SCFD2: variants seen among roughly 807,000 people sequenced by gnomAD.
SCFD2 encodes sec1 family domain containing 2, also known as sec1 family domain-containing protein 2.
SCFD2 carries 54 observed loss-of-function variants against 58.9 expected under a neutral mutation model. The ratio of observed to expected loss-of-function variants is 0.92; its 90% CI spans 0.74 to 1.15. SCFD2 has a LOEUF of 1.15. SCFD2 is among the 50% of genes most tolerant of loss of function. The probability of loss-of-function intolerance (pLI) is 0.00; values close to 1 mark genes in which losing one functional copy is unlikely to be tolerated. For synonymous variants in SCFD2, 321 were observed against 335.9 expected, an observed-to-expected ratio of 0.96 and a Z score of 0.49; for missense variants, 805 against 836.6, an observed-to-expected ratio of 0.96 and a Z score of 0.47.
intron 5 of SCFD2, among the ~76,000 whole-genome samples, chr4:53,065,230 C>A (rs1365676057): frequency 1.3e-5 from 2 of 151,942 alleles, no homozygotes; most frequent in Non-Finnish European, 2.9e-5. Flanking sequence ...TGGCAGTTAG[C>A]ACAATAAATT....
intron 4 of SCFD2, among the ~76,000 whole-genome samples, chr4:53,178,705 T>A (rs990889755): frequency 6.6e-6 from 1 of 152,134 alleles, no homozygotes; most frequent in African/African-American, 2.4e-5. Flanking sequence ...TACTCCGAGC[T>A]ACAGGAGGAA....
chr4:53,218,155 C>T (rs1163930365), intron 4 of SCFD2, among the ~76,000 whole-genome samples: 4 of 152,090 alleles, frequency 2.6e-5, no homozygotes, highest in African/African-American at 9.7e-5. Context: ...ATCTTTGTGT[C>T]ATTCTCTGTA....
chr4:53,273,865 C>T lies in SCFD2; in HGVS notation c.1272G>A (p.Lys424=), dbSNP rs1321508599. ...AQTLKHPQTA[K]WDNFLAFERL... ...TTTCAAAAGCCAGAAAGTTGTCCCA[C>T]TTGGCAGTCTGTGGGTGTTTCAACG... Residue 424 remains lysine (K), a synonymous_variant, in exon 4 of 9, where the codon AAG becomes AAA. Transcript: ENST00000401642. The T allele has an allele frequency of 6.2e-7, 1 of 1,613,648 alleles. No individual in the cohort carries two copies. Among genetic ancestry groups the T allele is most frequent in the Non-Finnish European group, 8.5e-7 (1 of 1,179,780 alleles).
intron 5 of SCFD2, among the ~76,000 whole-genome samples, chr4:53,026,530 A>G (rs1010796703): frequency 5.9e-5 from 9 of 152,252 alleles, no homozygotes; most frequent in African/African-American, 1.9e-4. Flanking sequence ...TAAATGGGAA[A>G]CAAGGATATC....
chr4:53,108,396 C>A (rs1001208651), intron 5 of SCFD2, among the ~76,000 whole-genome samples: 1 of 151,264 alleles, frequency 6.6e-6, no homozygotes, highest in East Asian at 1.9e-4. Flanking sequence ...TATAGAGACA[C>A]GAAAAACCCT....
rs558750529 is a variant in SCFD2, at chr4:53,329,036, C to T, written c.1008-15273G>A. Among the ~76,000 whole-genome samples the T allele has an allele frequency of 7.2e-5, 11 of 152,288 alleles. No individual in the cohort carries two copies. The South Asian group carries it at 2.3e-3, about 32-fold the overall frequency. On this transcript the variant is annotated intron_variant, in intron 2 of 8. Transcript: ENST00000401642. ...CCACCCGAATATTGTGCTTTTCGGA[C>T]CGGGTTAAAAAACGGCACACCACGA... is the stretch of plus-strand genomic sequence containing the variant.
At chr4:52,931,807 T>A (rs1482164893) in intron 5 of SCFD2, among the ~76,000 whole-genome samples, 2 of 152,138 alleles carry the variant, frequency 1.3e-5, no homozygotes, top group Non-Finnish European at 2.9e-5. Flanking sequence ...TGGAGGCTGA[T>A]CCCTCCTGCC....
At chr4:52,903,588 G>A (rs576195054) in intron 7 of SCFD2, among the ~76,000 whole-genome samples, 4 of 152,264 alleles carry the variant, frequency 2.6e-5, no homozygotes, top group Admixed American at 2.6e-4. Context: ...GCCTATACAG[G>A]TGCCGACCGC....
At chr4:53,319,774 C>T (rs1473275313) in intron 2 of SCFD2, among the ~76,000 whole-genome samples, 7 of 152,164 alleles carry the variant, frequency 4.6e-5, no homozygotes, top group Non-Finnish European at 7.4e-5. Flanking sequence ...TCAGGTGATC[C>T]ACCCAACTTG....
chr4:52,959,726 G>C (rs1385658641), intron 5 of SCFD2, among the ~76,000 whole-genome samples: 1 of 152,140 alleles, frequency 6.6e-6, no homozygotes, highest in Non-Finnish European at 1.5e-5. Context: ...TAAGAGGAAT[G>C]CAAAAACAAG....
At chr4:53,236,171 C>A (rs1255885795) in intron 4 of SCFD2, among the ~76,000 whole-genome samples, 4 of 152,118 alleles carry the variant, frequency 2.6e-5, no homozygotes, top group Non-Finnish European at 5.9e-5. Context: ...GAATATAAAG[C>A]AGGCAGAAAA....
intron 4 of SCFD2, among the ~76,000 whole-genome samples, chr4:53,271,470 T>TATTTATTA (rs969290752): frequency 1.3e-5 from 2 of 151,304 alleles, no homozygotes; most frequent in African/African-American, 4.9e-5. Context: ...TTTATTTATT[T>TATTTATTA]ATTTATTTTT....
At chr4:53,076,945 G>A (rs1300415857) in intron 5 of SCFD2, among the ~76,000 whole-genome samples, 1 of 152,140 alleles carries the variant, frequency 6.6e-6, no homozygotes, top group Non-Finnish European at 1.5e-5. Flanking sequence ...CTCACTCAAA[G>A]TATGCCAAGT....
At chr4:53,174,203 A>C (rs1238524427) in intron 4 of SCFD2, among the ~76,000 whole-genome samples, 1 of 152,090 alleles carries the variant, frequency 6.6e-6, no homozygotes, top group East Asian at 1.9e-4. Flanking sequence ...TTGAATGTGA[A>C]GGTCTAAAAC....
At chr4:53,054,624 G>A (rs1386943277) in intron 5 of SCFD2, among the ~76,000 whole-genome samples, 1 of 149,436 alleles carries the variant, frequency 6.7e-6, no homozygotes, top group Non-Finnish European at 1.5e-5. Context: ...AAAATGATTA[G>A]CTTAGAAAAA....
chr4:53,199,025 A>G (rs1457583021), intron 4 of SCFD2, among the ~76,000 whole-genome samples: 1 of 152,088 alleles, frequency 6.6e-6, no homozygotes, highest in Non-Finnish European at 1.5e-5. Context: ...GGTCATTTGA[A>G]GAGTATGTAA....
At chr4:53,237,556 G>A (rs1228011726) in intron 4 of SCFD2, among the ~76,000 whole-genome samples, 26 of 82,408 alleles carry the variant, frequency 3.2e-4, no homozygotes, top group African/African-American at 1.2e-3. Flanking sequence ...GCGGCTGGCC[G>A]GGCAGAGGGG....
At chr4:52,917,909 G>C (rs560700516) in intron 6 of SCFD2, among the ~76,000 whole-genome samples, 1 of 152,222 alleles carries the variant, frequency 6.6e-6, no homozygotes, top group Non-Finnish European at 1.5e-5. Context: ...CCTAGCAAGG[G>C]AAGCAGGAGT....
At chr4:52,938,250 A>C (rs1387775051) in intron 5 of SCFD2, among the ~76,000 whole-genome samples, 1 of 152,226 alleles carries the variant, frequency 6.6e-6, no homozygotes, top group African/African-American at 2.4e-5. Flanking sequence ...CCCATTTCAC[A>C]GATGAGAAAA....
Sources: gnomAD v4.1 joint callset for allele counts (sites outside exome capture counted in the v4.1 genomes callset) on GRCh38, gnomAD v4.1.1 for gene constraint, MANE v1.5 for transcripts, NCBI Gene and HGNC (gene_info 2026-07-23, HGNC 2026-07-21) for gene names.